ESAM: variants seen among roughly 807,000 people sequenced by gnomAD.
ESAM encodes the protein endothelial cell-selective adhesion molecule.
A neutral mutation model predicts 31.8 loss-of-function variants in ESAM; 23 were observed. The ratio of observed to expected loss-of-function variants is 0.72; its 90% CI spans 0.52 to 1.03. The LOEUF is 1.03. Among genes scored for constraint, ESAM ranks in the 50% least tolerant of loss-of-function variants. The pLI is 0.00. For missense variants in ESAM, 478 were observed against 488.9 expected, an observed-to-expected ratio of 0.98 and a Z score of 0.21; for synonymous variants, 216 against 207.2, an observed-to-expected ratio of 1.04 and a Z score of -0.37.
rs757146006 is a variant in ESAM, at chr11:124,762,086, G to T, written c.69C>A (p.Leu23=). 3.1e-6 allele frequency: 5 copies of T among 1,611,128 alleles called. No homozygotes were observed. Among genetic ancestry groups the T allele is most frequent in the Non-Finnish European group, 4.2e-6 (5 of 1,178,586 alleles). ...CCTCCAGGTCCGGGTTTCACTCACC[G>T]AGGGCACTCAGCCCCAGGAACAAAA... The part of the protein sequence containing the change: ...LRFLFLGLSA[L]APPSRAQLQL... Residue 23 remains leucine (L), a splice_region_variant and synonymous_variant, in exon 1 of 7, where the codon CTC becomes CTA. Coordinates refer to ENST00000278927, the MANE Select transcript of ESAM (RefSeq NM_138961.3). This position sits in a 1 kb window ranked among gnomAD's most constrained non-coding sequence, Gnocchi z 6.4.
chr11:124,756,663 G>A lies in ESAM; in HGVS notation c.329C>T (p.Ser110Phe). 1 of 1,614,164 alleles carries A rather than the reference G, an allele frequency of 6.2e-7. No individual in the cohort carries two copies. ...CTCCTGGAGACCCTCCAGCCGCAGG[G>A]ACAGGTTCCGGGAGGGCATGGAGTA... ...LVYSMPSRNL[S>F]LRLEGLQEKD... is the part of the protein sequence containing the mutation. Residue 110 changes from serine (S) to phenylalanine (F), a missense_variant, in exon 3 of 7, where the codon TCC (serine) becomes TTC (phenylalanine). Transcript: ENST00000278927.
chr11:124,761,181 C>T (rs965373223), intron 1 of ESAM, among the ~76,000 whole-genome samples: 2 of 152,130 alleles, frequency 1.3e-5, no homozygotes, highest in African/African-American at 2.4e-5. Flanking sequence ...CTAAACCCAC[C>T]CTTCACTCCC....
In ESAM at chr11:124,754,017, GT is replaced by G; in HGVS notation, c.858-57del. The G allele has an allele frequency of 6.3e-7, 1 of 1,585,504 alleles. No individual in the cohort carries two copies. The highest frequency in any genetic ancestry group is 8.6e-7 in the Non-Finnish European group (1 of 1,162,620). On this transcript the variant is annotated intron_variant, in intron 6 of 6. Transcript: ENST00000278927. The surrounding 1 kb of genome is among the most constrained non-coding windows in gnomAD (Gnocchi z 4.5). ...AAGTGGGTGGGGGAAGGAGGAGAGA[GT>G]TTCTACCTGCTTGGTCTTATATACC...
chr11:124,761,083 C>T (rs968983982), intron 1 of ESAM, among the ~76,000 whole-genome samples: 2 of 152,162 alleles, frequency 1.3e-5, no homozygotes, highest in African/African-American at 4.8e-5. Flanking sequence ...TCTCTGTCCC[C>T]ATCATTGTAG....
At chr11:124,761,967 C>A (rs1944235531) in intron 1 of ESAM, 118 bp downstream of exon 1, 4 of 903,246 alleles carry the variant, frequency 4.4e-6, no homozygotes, top group Non-Finnish European at 7.1e-6. Flanking sequence ...ATTAGGAGGT[C>A]AGGGGAGGAG....
In ESAM at chr11:124,762,132, A is replaced by G. The variant is rs1435513954; in HGVS notation, c.23T>C (p.Leu8Pro). 2 of 1,609,524 alleles carry G rather than the reference A, an allele frequency of 1.2e-6. No individual in the cohort carries two copies. Among genetic ancestry groups the G allele is most frequent in the Non-Finnish European group, 8.5e-7 (1 of 1,177,866 alleles). MISLPGPLVTNLLRFLFL... is the reference protein window; with the variant it reads MISLPGPPVTNLLRFLFL... ...CAAAAACCGCAGCAAGTTGGTCACC[A>G]GGGGCCCCGGGAGGGAAATCATGGC... The change falls in exon 1 of 7, where the codon CTG becomes CCG. Residue 8 changes from leucine to proline, a missense_variant. By Grantham distance (98) the Leu-to-Pro change is moderately conservative. Coordinates refer to ENST00000278927, the MANE Select transcript of ESAM (RefSeq NM_138961.3). This position sits in a 1 kb window ranked among gnomAD's most constrained non-coding sequence, Gnocchi z 6.4.
At position 124,754,028 on chromosome 11, in the gene ESAM, C is replaced by T; in HGVS notation, c.858-67G>A. 3 of 1,584,340 alleles carry T rather than the reference C, an allele frequency of 1.9e-6. No homozygotes were observed. The highest frequency in any genetic ancestry group is 2.3e-5 in the South Asian group (2 of 87,336). Reference sequence around the variant, plus strand: ...GGAAGGAGGAGAGAGTTTCTACCTGCTTGGTCTTATATACCACCTCTGCCT... The same window carrying T: ...GGAAGGAGGAGAGAGTTTCTACCTGTTTGGTCTTATATACCACCTCTGCCT... On this transcript the variant is annotated intron_variant, in intron 6 of 6. Coordinates refer to ENST00000278927, the MANE Select transcript of ESAM (RefSeq NM_138961.3). The surrounding 1 kb of genome is among the most constrained non-coding windows in gnomAD (Gnocchi z 4.5).
intron 1 of ESAM, among the ~76,000 whole-genome samples, chr11:124,760,807 C>T (rs577652996): frequency 2.6e-5 from 4 of 152,172 alleles, no homozygotes; most frequent in Non-Finnish European, 5.9e-5. Flanking sequence ...ATTCCCCCAG[C>T]CCCCACCCCC....
In ESAM at chr11:124,753,563, C is replaced by A. The variant is rs1944116421; in HGVS notation, c.*83G>T. On this transcript the variant is annotated 3_prime_UTR_variant, in exon 7 of 7. Transcript: ENST00000278927. Reference sequence around the variant, plus strand: ...TAAGGGTCAGGAGTGTGACTCTTTCCCATGACTCAGGCCTCTGTGCTAGAG... The same window carrying A: ...TAAGGGTCAGGAGTGTGACTCTTTCACATGACTCAGGCCTCTGTGCTAGAG... The A allele has an allele frequency of 2.0e-6, 3 of 1,496,322 alleles. No individual in the cohort carries two copies. In the South Asian group the frequency reaches 3.5e-5, roughly 18 times the overall value. 92.7% of individuals were successfully genotyped at this position (1,496,322 alleles called of 1,614,324 possible).
rs1565441100 is a variant in ESAM at position 124,753,919 on chromosome 11, G to A, written c.900C>T (p.Ser300=). 1 of 1,614,032 alleles carries A rather than the reference G, an allele frequency of 6.2e-7. No homozygotes were observed. Among genetic ancestry groups the A allele is most frequent in the Non-Finnish European group, 8.5e-7 (1 of 1,180,016 alleles). The change falls in exon 7 of 7, where the codon AGC becomes AGT. Residue 300 remains serine, a synonymous_variant. Transcript: ENST00000278927. ...TCCCATTCTTGGAGATTGTGTCTGA[G>A]CTCTTGGGCCAGGGCAGGGTCCGGG... ...IAPRTLPWPK[S]SDTISKNGTL...
intron 3 of ESAM, 38 bp from the exon 4 acceptor site, chr11:124,756,400 G>A (rs566700974): frequency 3.7e-5 from 58 of 1,577,108 alleles, no homozygotes; most frequent in South Asian, 1.1e-4. Context: ...ACACCCAGGA[G>A]ACCCACAGAT....
rs1462625315 is a variant in ESAM at position 124,762,125 on chromosome 11, G to C, written c.30C>G (p.Thr10=). 2 of 1,609,674 alleles carry C rather than the reference G, an allele frequency of 1.2e-6. No individual in the cohort carries two copies. Among genetic ancestry groups the C allele is most frequent in the Admixed American group, 1.7e-5 (1 of 59,786 alleles). Residue 10 remains threonine, a synonymous_variant, in exon 1 of 7, where the codon ACC becomes ACG. Transcript: ENST00000278927. This position sits in a 1 kb window ranked among gnomAD's most constrained non-coding sequence, Gnocchi z 6.4. ...CCAGGAACAAAAACCGCAGCAAGTTGGTCACCAGGGGCCCCGGGAGGGAAA... is the reference window on the plus strand; with the variant it reads ...CCAGGAACAAAAACCGCAGCAAGTTCGTCACCAGGGGCCCCGGGAGGGAAA... MISLPGPLV[T]NLLRFLFLGL... is the part of the protein sequence containing the mutation.
At chr11:124,761,967 CA>C in intron 1 of ESAM, 117 bp downstream of exon 1, 2 of 903,246 alleles carry the variant, frequency 2.2e-6, no homozygotes, top group Non-Finnish European at 3.5e-6. Context: ...ATTAGGAGGT[CA>C]GGGGAGGAGG....
chr11:124,757,323 CAG>C, intron 2 of ESAM: 1 of 155,880 alleles, frequency 6.4e-6, no homozygotes, highest in South Asian at 2.0e-4. Flanking sequence ...CCCAGCTACT[CAG>C]GGGGCTGAGG....
Position 124,754,026 on chromosome 11 carries a change from T to C in ESAM, c.858-65A>G, listed in dbSNP as rs546087680. 65 of 1,584,990 alleles carry C rather than the reference T, an allele frequency of 4.1e-5. No homozygotes were observed. Among genetic ancestry groups the C allele is most frequent in the Non-Finnish European group, 5.5e-5 (64 of 1,164,176 alleles). On this transcript the variant is annotated intron_variant, in intron 6 of 6. Coordinates refer to ENST00000278927, the MANE Select transcript of ESAM (RefSeq NM_138961.3). The surrounding 1 kb of genome is among the most constrained non-coding windows in gnomAD (Gnocchi z 4.5). ...GGGGAAGGAGGAGAGAGTTTCTACC[T>C]GCTTGGTCTTATATACCACCTCTGC...
chr11:124,757,181 A>G, intron 2 of ESAM: 1 of 184,926 alleles, frequency 5.4e-6, no homozygotes, highest in Non-Finnish European at 1.1e-5. Context: ...CATGCCTGTG[A>G]GCACTTTGGG....
intron 1 of ESAM, among the ~76,000 whole-genome samples, chr11:124,761,787 G>T (rs1944232264): frequency 7.4e-6 from 1 of 135,980 alleles, no homozygotes; most frequent in Non-Finnish European, 1.6e-5. Context: ...GCTGGGTGGG[G>T]GGTGGGGAGT....
In ESAM at chr11:124,753,763, C is replaced by A. The variant is rs1175911879; in HGVS notation, c.1056G>T (p.Gly352=). 10 of 1,613,904 alleles carry A rather than the reference C, an allele frequency of 6.2e-6. No individual in the cohort carries two copies. The highest frequency in any genetic ancestry group is 8.5e-6 in the Non-Finnish European group (10 of 1,179,978). ...TGGGGGATATTGGTTGAGGGTGGGC[C>A]CCATCTGTCGTGGGCAGTCTTGGTG... ...LPSPRLPTTD[G]AHPQPISPIP... Residue 352 remains glycine (G), a synonymous_variant, in exon 7 of 7, where the codon GGG becomes GGT. Coordinates refer to ENST00000278927, the MANE Select transcript of ESAM (RefSeq NM_138961.3).
At position 124,762,142 on chromosome 11, in the gene ESAM, G is replaced by T; in HGVS notation, c.13C>A (p.Pro5Thr). The change falls in exon 1 of 7, where the codon CCG becomes ACG. Residue 5 changes from proline to threonine, a missense_variant. Coordinates refer to ENST00000278927, the MANE Select transcript of ESAM (RefSeq NM_138961.3). The surrounding 1 kb of genome is among the most constrained non-coding windows in gnomAD (Gnocchi z 6.4). ...AGCAAGTTGGTCACCAGGGGCCCCG[G>T]GAGGGAAATCATGGCCCTCCCTGGC... MISL[P>T]GPLVTNLLRF... 2 of 1,609,916 alleles carry T rather than the reference G, an allele frequency of 1.2e-6. No individual in the cohort carries two copies. Among genetic ancestry groups the T allele is most frequent in the South Asian group, 2.2e-5 (2 of 90,860 alleles).
Sources: gnomAD v4.1 joint callset for allele counts (sites outside exome capture counted in the v4.1 genomes callset) on GRCh38, gnomAD v4.1.1 for gene constraint, Gnocchi (gnomAD v3.1) non-coding constraint, MANE v1.5 for transcripts, NCBI Gene and HGNC (gene_info 2026-07-23, HGNC 2026-07-21) for gene names.